TAFA2: variants seen among roughly 807,000 people sequenced by gnomAD.
TAFA2 encodes TAFA chemokine like family member 2, also known as chemokine-like protein TAFA-2.
TAFA2 carries 7 observed loss-of-function variants against 18.8 expected under a neutral mutation model. That is an observed-to-expected ratio of 0.37 (90% CI 0.21 to 0.70). The LOEUF (loss-of-function observed/expected upper bound fraction) is 0.70. TAFA2 is among the 30% of genes least tolerant of loss of function. The pLI, the probability that TAFA2 is intolerant of heterozygous loss-of-function variation, is 0.53. For synonymous variants in TAFA2, 60 were observed against 54.2 expected (o/e 1.11, Z -0.47); for missense variants, 122 against 158.1 (o/e 0.77, Z 1.23).
chr12:62,032,149 C>G (rs533676804), intron 1 of TAFA2, among the ~76,000 whole-genome samples: 1 of 152,002 alleles, frequency 6.6e-6, no homozygotes, highest in Non-Finnish European at 1.5e-5. Context: ...CAAGAGATCA[C>G]GGTGAATGAT....
chr12:61,739,146 G>C (rs1044219576), intron 4 of TAFA2, among the ~76,000 whole-genome samples: 1 of 152,022 alleles, frequency 6.6e-6, no homozygotes, highest in Non-Finnish European at 1.5e-5. Flanking sequence ...TTGATGTAAA[G>C]TAACTTTCCC....
intron 4 of TAFA2, among the ~76,000 whole-genome samples, chr12:61,732,869 T>C (rs765265591): frequency 6.6e-6 from 1 of 151,974 alleles, no homozygotes; most frequent in Non-Finnish European, 1.5e-5. Context: ...ATTTTAGCTA[T>C]ATTGAAATAT....
chr12:61,758,477 A>G (rs1029162112), intron 2 of TAFA2, among the ~76,000 whole-genome samples: 2 of 152,024 alleles, frequency 1.3e-5, no homozygotes, highest in African/African-American at 4.8e-5. Flanking sequence ...GACACAATCC[A>G]TTTTAACAAG....
chr12:61,745,900 G>T (rs1436337485), intron 4 of TAFA2, among the ~76,000 whole-genome samples: 2 of 152,166 alleles, frequency 1.3e-5, no homozygotes, highest in East Asian at 3.9e-4. Context: ...GGGAACAGAT[G>T]GGGGAAGGGG....
intron 1 of TAFA2, among the ~76,000 whole-genome samples, chr12:61,897,603 G>A (rs1875907921): frequency 1.3e-5 from 2 of 152,048 alleles, no homozygotes; most frequent in Non-Finnish European, 1.5e-5. Context: ...CAGATCTCAT[G>A]AGAACTCACT....
chr12:62,143,843 G>C (rs1156298404), intron 1 of TAFA2, among the ~76,000 whole-genome samples: 1 of 151,570 alleles, frequency 6.6e-6, no homozygotes, highest in Non-Finnish European at 1.5e-5. Flanking sequence ...AGGAGCTCAA[G>C]ACCAGCATGG....
At chr12:62,132,808 C>A (rs1009994064) in intron 1 of TAFA2, among the ~76,000 whole-genome samples, 1 of 151,824 alleles carries the variant, frequency 6.6e-6, no homozygotes, top group Non-Finnish European at 1.5e-5. Flanking sequence ...AAGTTCTGAA[C>A]AAAGTATAAT....
At chr12:61,776,796 T>C (rs1870281998) in intron 2 of TAFA2, among the ~76,000 whole-genome samples, 1 of 151,942 alleles carries the variant, frequency 6.6e-6, no homozygotes, top group African/African-American at 2.4e-5. Flanking sequence ...AACCGTGGTA[T>C]GTATACTATC....
chr12:61,939,262 G>T (rs542868387), intron 1 of TAFA2, among the ~76,000 whole-genome samples: 2 of 152,254 alleles, frequency 1.3e-5, no homozygotes, highest in South Asian at 2.1e-4. Flanking sequence ...GATGTTACTT[G>T]TTGATTACAA....
At chr12:61,798,277 T>C (rs575447462) in intron 2 of TAFA2, among the ~76,000 whole-genome samples, 2 of 152,186 alleles carry the variant, frequency 1.3e-5, no homozygotes, top group African/African-American at 2.4e-5. Flanking sequence ...GGTCTTTTTT[T>C]TGTGTGTATG....
chr12:61,973,412 T>G (rs1592523620), intron 1 of TAFA2, among the ~76,000 whole-genome samples: 1 of 140,022 alleles, frequency 7.1e-6, no homozygotes. Flanking sequence ...TTTTTTTTTT[T>G]TTAGTTTTCA....
upstream of TAFA2, among the ~76,000 whole-genome samples, chr12:62,194,331 A>ACACAC (rs869109681): frequency 0.013 from 2 of 156 alleles, no homozygotes; most frequent in East Asian, 0.5. Flanking sequence ...ACACACATAC[A>ACACAC]AAAAAACATA....
At chr12:61,985,280 C>T (rs1879773907) in intron 1 of TAFA2, among the ~76,000 whole-genome samples, 2 of 152,168 alleles carry the variant, frequency 1.3e-5, no homozygotes, top group Non-Finnish European at 2.9e-5. Context: ...TAAAAATATG[C>T]TGCGAATAAT....
chr12:61,876,393 T>G (rs1158094799), intron 1 of TAFA2, among the ~76,000 whole-genome samples: 6 of 152,168 alleles, frequency 3.9e-5, no homozygotes, highest in Non-Finnish European at 8.8e-5. Context: ...TCCAAGAACA[T>G]TTATTCTCAC....
At chr12:61,727,543 T>G (rs1206933494) in intron 4 of TAFA2, among the ~76,000 whole-genome samples, 1 of 152,044 alleles carries the variant, frequency 6.6e-6, no homozygotes, top group African/African-American at 2.4e-5. Flanking sequence ...TCTTTTGCAT[T>G]TCTGTGATAT....
intron 1 of TAFA2, among the ~76,000 whole-genome samples, chr12:62,070,939 A>C (rs1882615286): frequency 6.6e-6 from 1 of 152,224 alleles, no homozygotes. Flanking sequence ...ATAAATTGGC[A>C]CAACCCACCA....
intron 4 of TAFA2, among the ~76,000 whole-genome samples, chr12:61,713,752 G>A (rs1869521154): frequency 6.6e-6 from 1 of 152,092 alleles, no homozygotes; most frequent in African/African-American, 2.4e-5. Context: ...TGATTTGTAT[G>A]CTTATTTTAA....
At chr12:61,963,060 C>A (rs538956090) in intron 1 of TAFA2, among the ~76,000 whole-genome samples, 58 of 152,022 alleles carry the variant, frequency 3.8e-4, no homozygotes, top group Non-Finnish European at 6.5e-4. Context: ...TGAACTCATC[C>A]TTTTTTATGG....
chr12:61,715,907 A>T (rs1869637359), intron 4 of TAFA2, among the ~76,000 whole-genome samples: 1 of 151,948 alleles, frequency 6.6e-6, no homozygotes, highest in South Asian at 2.1e-4. Flanking sequence ...ACACAATGAG[A>T]CTGTCTAAAA....
Sources: gnomAD v4.1 joint callset for allele counts (sites outside exome capture counted in the v4.1 genomes callset) on GRCh38, gnomAD v4.1.1 for gene constraint, MANE v1.5 for transcripts, NCBI Gene and HGNC (gene_info 2026-07-23, HGNC 2026-07-21) for gene names.